CFAP69: variants seen among roughly 807,000 people sequenced by gnomAD.
CFAP69 encodes cilia and flagella associated protein 69.
In CFAP69, 92 loss-of-function variants were observed where a neutral mutation model predicts 123.0. The observed-to-expected ratio is 0.75, with a 90% CI of 0.63 to 0.89. The LOEUF (loss-of-function observed/expected upper bound fraction) is 0.89. CFAP69 is among the 40% of genes least tolerant of loss of function. The pLI, the probability that CFAP69 is intolerant of heterozygous loss-of-function variation, is 0.00. For missense variants in CFAP69, 1,067 were observed against 1,096.9 expected (o/e 0.97, Z 0.39); for synonymous variants, 380 against 364.3 (o/e 1.04, Z -0.49).
In CFAP69 at chr7:90,277,300, T is replaced by C. The variant is rs775218186; in HGVS notation, c.1121T>C (p.Ile374Thr). The part of the protein sequence containing the change: ...FELKKLLFNV[I>T]VILCKDLPTV... ...TTGAAGAAATTACTATTCAACGTAA[T>C]TGTGATCTTATGTAAAGATTTACCT... Residue 374 changes from isoleucine (I) to threonine (T), a missense_variant, in exon 11 of 23, where the codon ATT (isoleucine) becomes ACT (threonine). Physicochemically the swap from Ile to Thr is moderately conservative, Grantham distance 89. Coordinates refer to ENST00000389297, the MANE Select transcript of CFAP69 (RefSeq NM_001039706.3). 4 of 1,584,586 alleles carry C rather than the reference T, an allele frequency of 2.5e-6. No homozygotes were observed. The highest frequency in any genetic ancestry group is 2.6e-6 in the Non-Finnish European group (3 of 1,167,712).
downstream of CFAP69, among the ~76,000 whole-genome samples, chr7:90,314,757 A>G (rs1209900635): frequency 6.6e-6 from 1 of 150,898 alleles, no homozygotes; most frequent in Non-Finnish European, 1.5e-5. Flanking sequence ...TTTAGGGTAC[A>G]TGTGCACAAT....
At position 90,300,559 on chromosome 7, in the gene CFAP69, T is replaced by C. The variant is rs140319221; in HGVS notation, c.2050+500T>C. On this transcript the variant is annotated intron_variant, in intron 17 of 22. Transcript: ENST00000389297. ...TAGTCCAAATGTTCAAAAATTTTAA[T>C]TACTAGATTCTAAATTAATGAGACT... 4.7e-3 allele frequency: 2,437 copies of C among 519,592 alleles called. 8 individuals are homozygous for C. The highest frequency in any genetic ancestry group is 5.9e-3 in the South Asian group (69 of 11,688). 32.2% of individuals were successfully genotyped at this position (519,592 alleles called of 1,614,324 possible). A position where few individuals can be genotyped will look rare whatever the true frequency, so the allele number is the denominator to read the frequency against.
At chr7:90,264,003 A>G (rs1173398671) in intron 4 of CFAP69, among the ~76,000 whole-genome samples, 5 of 150,456 alleles carry the variant, frequency 3.3e-5, no homozygotes, top group Admixed American at 3.3e-4. Context: ...AGGCAGGAGA[A>G]TGGCGTGAAC....
chr7:90,276,802 C>G (rs1788678238), intron 9 of CFAP69, among the ~76,000 whole-genome samples: 1 of 152,084 alleles, frequency 6.6e-6, no homozygotes, highest in Non-Finnish European at 1.5e-5. Flanking sequence ...TTTAAACAGA[C>G]TATTCATAGA....
chr7:90,312,753 G>A (rs905785522), downstream of CFAP69: 2 of 152,122 alleles, frequency 1.3e-5, no homozygotes, highest in African/African-American at 2.4e-5. Flanking sequence ...ATGCCTACCC[G>A]ATCCTGCCGG....
At chr7:90,296,994 GA>G (rs1422860670) in intron 15 of CFAP69, among the ~76,000 whole-genome samples, 2 of 152,126 alleles carry the variant, frequency 1.3e-5, no homozygotes, top group African/African-American at 2.4e-5. Context: ...CCTGGATCTG[GA>G]AAATACTTGG....
chr7:90,304,001 G>T lies in CFAP69; in HGVS notation c.2083G>T (p.Glu695Ter). The part of the protein sequence containing the change: ...TKKPLFTSFQ[E>*]EQKIIPLPAN... Reference sequence around the variant, plus strand: ...AAAACCTCTATTTACTAGCTTTCAAGAAGAGCAAAAAATCATCCCACTGCC... The same window carrying T: ...AAAACCTCTATTTACTAGCTTTCAATAAGAGCAAAAAATCATCCCACTGCC... Residue 695 changes from glutamate to a stop codon, truncating the protein, a stop_gained, in exon 18 of 23, where the codon GAA becomes TAA. Coordinates refer to ENST00000389297, the MANE Select transcript of CFAP69 (RefSeq NM_001039706.3). LOFTEE classifies it high-confidence loss of function. 6.4e-7 allele frequency: 1 copy of T among 1,550,570 alleles called. No homozygotes were observed. Among genetic ancestry groups the T allele is most frequent in the Non-Finnish European group, 8.7e-7 (1 of 1,146,414 alleles).
chr7:90,294,434 TA>T (rs1791632755), intron 15 of CFAP69, among the ~76,000 whole-genome samples: 1 of 152,170 alleles, frequency 6.6e-6, no homozygotes, highest in African/African-American at 2.4e-5. Context: ...ATAAACTAAT[TA>T]GAGCTCTTTC....
At chr7:90,274,215 T>C (rs1358910775) in intron 9 of CFAP69, 105 bp downstream of exon 9, 1 of 1,338,472 alleles carries the variant, frequency 7.5e-7, no homozygotes, top group Non-Finnish European at 1.0e-6. Flanking sequence ...CTTGTAATGC[T>C]AAGTTATGCT....
At chr7:90,295,857 G>T (rs1378301204) in intron 15 of CFAP69, among the ~76,000 whole-genome samples, 3 of 152,196 alleles carry the variant, frequency 2.0e-5, no homozygotes, top group African/African-American at 7.2e-5. Context: ...GGCCATATAG[G>T]GTAACGTCCT....
chr7:90,292,899 A>G (rs906020074), intron 15 of CFAP69, among the ~76,000 whole-genome samples: 7 of 152,212 alleles, frequency 4.6e-5, no homozygotes, highest in African/African-American at 1.7e-4. Context: ...CCTGCATTTA[A>G]GAATACCTGT....
chr7:90,258,578 G>T (rs559356747), intron 3 of CFAP69, among the ~76,000 whole-genome samples: 2 of 151,932 alleles, frequency 1.3e-5, no homozygotes, highest in East Asian at 3.9e-4. Context: ...GGCCCACCTG[G>T]ATAATCTAGT....
At chr7:90,312,900 T>C (rs1196871282), downstream of CFAP69, 1 of 152,234 alleles carries the variant, frequency 6.6e-6, no homozygotes. Flanking sequence ...TGAGCACAGA[T>C]AAAAGTAGCT....
chr7:90,284,374 C>A (rs903353835), intron 13 of CFAP69, among the ~76,000 whole-genome samples: 18 of 152,056 alleles, frequency 1.2e-4, no homozygotes, highest in Non-Finnish European at 2.2e-4. Context: ...TCAGAAACCA[C>A]CAATAAAGAA....
intron 1 of CFAP69, among the ~76,000 whole-genome samples, chr7:90,252,571 G>A (rs1041298906): frequency 6.6e-6 from 1 of 152,146 alleles, no homozygotes; most frequent in Non-Finnish European, 1.5e-5. Flanking sequence ...TCAGGAGGCT[G>A]AGGTGGAAAG....
rs1794060263 is a variant in CFAP69 at position 90,309,462 on chromosome 7, C to G, written c.2655+95C>G. ...TATACTGAAAACCATTGAATTTTAC[C>G]CATTAAATGGATGGATTGTGTGGTA... On this transcript the variant is annotated intron_variant, in intron 22 of 22. Transcript: ENST00000389297. 8.6e-6 allele frequency: 5 copies of G among 584,496 alleles called. No individual in the cohort carries two copies. In the South Asian group the frequency reaches 1.7e-4, roughly 20 times the overall value. 36.2% of individuals were successfully genotyped at this position (584,496 alleles called of 1,614,324 possible). A position where few individuals can be genotyped will look rare whatever the true frequency, so the allele number is the denominator to read the frequency against.
rs772047640 is a variant in CFAP69 at position 90,265,343 on chromosome 7, T to C, written c.399T>C (p.Tyr133=). 3.7e-6 allele frequency: 6 copies of C among 1,612,040 alleles called. No individual in the cohort carries two copies. The highest frequency in any genetic ancestry group is 1.1e-5 in the South Asian group (1 of 90,942). ...LKKKVSDEIT[Y]AEDTANSIAL... ...AGAAAGTGTCGGATGAAATAACTTA[T>C]GCTGAAGATACTGCTAATTCAATTG... The change falls in exon 5 of 23, where the codon TAT becomes TAC. Residue 133 remains tyrosine, a synonymous_variant. Coordinates refer to ENST00000389297, the MANE Select transcript of CFAP69 (RefSeq NM_001039706.3).
At chr7:90,276,046 C>T (rs1205619209) in intron 9 of CFAP69, 1 of 152,208 alleles carries the variant, frequency 6.6e-6, no homozygotes, top group Admixed American at 6.5e-5. Context: ...AGCTACTACT[C>T]ATCTGTACCA....
intron 12 of CFAP69, among the ~76,000 whole-genome samples, chr7:90,280,520 A>G (rs1399391965): frequency 2.6e-5 from 4 of 152,362 alleles, no homozygotes; most frequent in African/African-American, 7.2e-5. Context: ...TGGCAGTATT[A>G]TAATGCATTC....
Sources: allele counts gnomAD v4.1 joint callset (sites outside exome capture counted in the v4.1 genomes callset), GRCh38; gene constraint gnomAD v4.1.1; transcripts MANE v1.5; gene names NCBI Gene and HGNC (gene_info 2026-07-23, HGNC 2026-07-21).